The following SUGP1 variants were observed in gnomAD, a reference collection of about 807,000 sequenced individuals.
SUGP1 encodes SURP and G-patch domain containing 1.
Under a neutral mutation model 76.5 loss-of-function variants are expected in SUGP1, and 34 were observed. The observed-to-expected ratio is 0.44, with a 90% CI of 0.34 to 0.59. The LOEUF is 0.59. Among genes scored for constraint, SUGP1 ranks in the 20% least tolerant of loss-of-function variants. The probability of loss-of-function intolerance (pLI) is 0.01; values close to 1 mark genes in which losing one functional copy is unlikely to be tolerated. For missense variants in SUGP1, 752 were observed against 851.7 expected, an observed-to-expected ratio of 0.88 and a Z score of 1.46; for synonymous variants, 326 against 326.2, an observed-to-expected ratio of 1.00 and a Z score of 0.01.
At chr19:19,308,733 C>T (rs1599868014) in intron 3 of SUGP1, among the ~76,000 whole-genome samples, 2 of 152,268 alleles carry the variant, frequency 1.3e-5, no homozygotes, top group South Asian at 4.1e-4. Context: ...TGCCTCCCAT[C>T]TCCCAAAGTG....
intron 10 of SUGP1, 69 bp from the exon 11 acceptor site, chr19:19,278,865 C>A (rs2061074601): frequency 1.3e-6 from 2 of 1,502,670 alleles, no homozygotes; most frequent in Admixed American, 3.8e-5. Flanking sequence ...TGGTGGCTCC[C>A]AGGGCACAGG....
chr19:19,297,417 T>TTCTGGCCTTCTGGGCAGGAGCAGG lies in SUGP1; in HGVS notation c.888-74_888-73insCCTGCTCCTGCCCAGAAGGCCAGA. 1.5e-6 allele frequency: 2 copies of TTCTGGCCTTCTGGGCAGGAGCAGG among 1,334,298 alleles called. 1 individual carries two copies. The highest frequency in any genetic ancestry group is 2.0e-6 in the Non-Finnish European group (2 of 988,530). The allele number at this position is 1,334,298 out of a possible 1,614,324, so 82.7% of individuals were successfully genotyped here. A position where few individuals can be genotyped will look rare whatever the true frequency, so the allele number is the denominator to read the frequency against. On this transcript the variant is annotated intron_variant, in intron 7 of 13. Coordinates refer to ENST00000247001, the MANE Select transcript of SUGP1 (RefSeq NM_172231.4). ...TGTCCCTGATTCTGGGCAGGAGCAG[T>TTCTGGCCTTCTGGGCAGGAGCAGG]TCTGGCCTTGTGTGCCCACGTTGGC...
intron 2 of SUGP1, among the ~76,000 whole-genome samples, chr19:19,313,774 G>A (rs1193022440): frequency 1.3e-5 from 2 of 151,966 alleles, no homozygotes; most frequent in African/African-American, 2.4e-5. Context: ...AGGCAGAGGC[G>A]GGTAGGTCAC....
chr19:19,284,898 G>A (rs1343494590), intron 8 of SUGP1, among the ~76,000 whole-genome samples: 4 of 150,554 alleles, frequency 2.7e-5, no homozygotes, highest in Non-Finnish European at 5.9e-5. Context: ...TTTTTAGATG[G>A]AGTCTCGCTC....
At position 19,277,747 on chromosome 19, in the gene SUGP1, T is replaced by A; in HGVS notation, c.1768A>T (p.Asn590Tyr). ...GGCCACACTCACTTGTTCACTGGGTTCTTGATGCCCTGGCCCTCTGAGCCC... is the reference window on the plus strand; with the variant it reads ...GGCCACACTCACTTGTTCACTGGGTACTTGATGCCCTGGCCCTCTGAGCCC... The part of the protein sequence containing the change: ...GLGSEGQGIK[N>Y]PVNKGTTTVD... The change falls in exon 12 of 14, where the codon AAC (asparagine) becomes TAC (tyrosine). Residue 590 changes from asparagine to tyrosine, a missense_variant. Transcript: ENST00000247001. 6.2e-7 allele frequency: 1 copy of A among 1,613,966 alleles called. No homozygotes were observed. The highest frequency in any genetic ancestry group is 1.7e-5 in the Admixed American group (1 of 59,994).
Position 19,276,657 on chromosome 19 carries a change from A to G in SUGP1, c.1929T>C (p.Pro643=), listed in dbSNP as rs766679766. 12 of 1,614,170 alleles carry G rather than the reference A, an allele frequency of 7.4e-6. No individual in the cohort carries two copies. The highest frequency in any genetic ancestry group is 1.0e-5 in the Non-Finnish European group (12 of 1,180,024). The change falls in exon 14 of 14, where the codon CCT becomes CCC. Residue 643 remains proline, a synonymous_variant. Transcript: ENST00000247001. ...TGTATTTCCAGAACACTCAGTAGTA[A>G]GGCCGTCTGGGATTGTTCTGTGGAA... ...RPNPLNNPRR[P]YY
At chr19:19,315,861 T>C (rs1005559597) in intron 2 of SUGP1, among the ~76,000 whole-genome samples, 1 of 151,708 alleles carries the variant, frequency 6.6e-6, no homozygotes, top group African/African-American at 2.4e-5. Flanking sequence ...AGACAGAGTC[T>C]CACTCTATGG....
At chr19:19,306,128 C>A (rs559808376) in intron 3 of SUGP1, 52 bp from the exon 4 acceptor site, 16 of 1,449,876 alleles carry the variant, frequency 1.1e-5, no homozygotes, top group Non-Finnish European at 1.4e-5. Context: ...GCACCTCTCC[C>A]GGCTTCCGAC....
intron 1 of SUGP1, among the ~76,000 whole-genome samples, chr19:19,319,159 T>C (rs1321643637): frequency 6.6e-6 from 1 of 151,876 alleles, no homozygotes; most frequent in Non-Finnish European, 1.5e-5. Context: ...GAGGTAGAGG[T>C]TGCAGTCAGC....
chr19:19,303,837 T>TG lies in SUGP1; in HGVS notation c.548dup (p.Glu184ArgfsTer34). ...TCACTTTCCGAGTCTCGGCTCCCTC[T>TG]GGGGGTGAAACTTTAAGGAGGCTGT... is the stretch of plus-strand genomic sequence containing the variant. On this transcript the variant is annotated frameshift_variant, in exon 5 of 14. Coordinates refer to ENST00000247001, the MANE Select transcript of SUGP1 (RefSeq NM_172231.4). LOFTEE classifies it high-confidence loss of function. 1 of 1,614,100 alleles carries TG rather than the reference T, an allele frequency of 6.2e-7. No homozygotes were observed. The highest frequency in any genetic ancestry group is 8.5e-7 in the Non-Finnish European group (1 of 1,180,042).
chr19:19,314,918 C>T (rs2061381444), intron 2 of SUGP1, among the ~76,000 whole-genome samples: 2 of 152,236 alleles, frequency 1.3e-5, no homozygotes, highest in Non-Finnish European at 2.9e-5. Context: ...CCTGTAATCC[C>T]AGCTACTTGG....
At position 19,305,914 on chromosome 19, in the gene SUGP1, G is replaced by T; in HGVS notation, c.473C>A (p.Pro158Gln). Residue 158 changes from proline (P) to glutamine (Q), a missense_variant, in exon 4 of 14, where the codon CCG becomes CAG. Pro to Gln is a moderately conservative substitution (Grantham distance 76, BLOSUM62 -1). Around this residue, in one of 2 missense-constraint regions of SUGP1, gnomAD observed 620 missense variants for 617.3 expected, o/e 1.00. Coordinates refer to ENST00000247001, the MANE Select transcript of SUGP1 (RefSeq NM_172231.4). Reference sequence around the variant, plus strand: ...CTCGTCAGGGGACTGGAAGACACTCGGGCGGTGCGCCACGGGCAGCTGCTT... The same window carrying T: ...CTCGTCAGGGGACTGGAAGACACTCTGGCGGTGCGCCACGGGCAGCTGCTT... ...HAKQLPVAHR[P>Q]SVFQSPDEDE... 6.2e-7 allele frequency: 1 copy of T among 1,613,634 alleles called. No individual in the cohort carries two copies. The highest frequency in any genetic ancestry group is 8.5e-7 in the Non-Finnish European group (1 of 1,179,920).
At chr19:19,279,180 G>GGCCC in intron 10 of SUGP1, 33 bp downstream of exon 10, 13 of 1,517,974 alleles carry the variant, frequency 8.6e-6, no homozygotes, top group Non-Finnish European at 1.2e-5. Flanking sequence ...GCCATGCCCA[G>GGCCC]CCCAGCCCGG....
intron 8 of SUGP1, among the ~76,000 whole-genome samples, chr19:19,282,879 C>T (rs961610171): frequency 1.3e-5 from 2 of 152,136 alleles, no homozygotes; most frequent in African/African-American, 2.4e-5. Flanking sequence ...AGATCGAGAC[C>T]ATCCTGGCTA....
intron 8 of SUGP1, among the ~76,000 whole-genome samples, chr19:19,289,037 G>A (rs1366118094): frequency 1.3e-5 from 2 of 151,760 alleles, no homozygotes; most frequent in African/African-American, 4.8e-5. Context: ...GTCCACCTCA[G>A]CCTTCCAAAG....
intron 3 of SUGP1, among the ~76,000 whole-genome samples, chr19:19,308,509 G>A (rs754625264): frequency 1.3e-5 from 2 of 152,246 alleles, no homozygotes; most frequent in Non-Finnish European, 2.9e-5. Flanking sequence ...CCTGGCACAC[G>A]GGGTGGTACC....
At chr19:19,294,521 A>AAAC (rs1348594699) in intron 8 of SUGP1, among the ~76,000 whole-genome samples, 1 of 151,838 alleles carries the variant, frequency 6.6e-6, no homozygotes, top group Non-Finnish European at 1.5e-5. Context: ...AAAAAAAAAA[A>AAAC]AAAAAACCCA....
intron 3 of SUGP1, among the ~76,000 whole-genome samples, chr19:19,309,660 C>T (rs2061340145): frequency 1.3e-5 from 2 of 152,218 alleles, no homozygotes; most frequent in Admixed American, 1.3e-4. Context: ...CCTGTAATCC[C>T]AGCACTTTGG....
At chr19:19,290,676 T>C (rs2061174658) in intron 8 of SUGP1, among the ~76,000 whole-genome samples, 1 of 152,108 alleles carries the variant, frequency 6.6e-6, no homozygotes, top group Admixed American at 6.6e-5. Flanking sequence ...AAAAAACTCT[T>C]TGCTATATAT....
Sources: allele counts gnomAD v4.1 joint callset (sites outside exome capture counted in the v4.1 genomes callset), GRCh38; gene constraint gnomAD v4.1.1; regional missense constraint gnomAD v4.1.1; transcripts MANE v1.5; gene names NCBI Gene and HGNC (gene_info 2026-07-23, HGNC 2026-07-21).